The following TXNL1 variants were observed in gnomAD, a reference collection of about 807,000 sequenced individuals.
TXNL1 encodes the protein thioredoxin-like protein 1.
Under a neutral mutation model 35.5 loss-of-function variants are expected in TXNL1, and 14 were observed. That is an observed-to-expected ratio of 0.39 (90% CI 0.26 to 0.62). The LOEUF (loss-of-function observed/expected upper bound fraction) is 0.62, where lower values mean the gene tolerates loss of function less well. Among genes scored for constraint, TXNL1 ranks in the 20% least tolerant of loss-of-function variants. TXNL1 has a pLI of 0.47. For missense variants in TXNL1, 263 were observed against 349.7 expected, an observed-to-expected ratio of 0.75 and a Z score of 1.98; for synonymous variants, 110 against 115.5, an observed-to-expected ratio of 0.95 and a Z score of 0.31.
At chr18:56,610,345 T>G (rs1008941344) in intron 7 of TXNL1, 1 of 152,286 alleles carries the variant, frequency 6.6e-6, no homozygotes, top group Non-Finnish European at 1.5e-5. Context: ...GTTCCAGTAA[T>G]GTACAGAAGG....
chr18:56,624,390 A>T lies in TXNL1; in HGVS notation c.267T>A (p.Asp89Glu). ...FLFFRNKVRI[D>E]QYQGADAVGL... ...CCACAGCATCTGCTCCTTGATATTG[A>T]TCAATTCTCACTTTGTTTCGAAAAA... Residue 89 changes from aspartate (D) to glutamate (E), a missense_variant, in exon 3 of 8, where the codon GAT becomes GAA. Physicochemically the swap from Asp to Glu is conservative, Grantham distance 45 (BLOSUM62 2). Coordinates refer to ENST00000217515, the MANE Select transcript of TXNL1 (RefSeq NM_004786.3). The T allele has an allele frequency of 1.2e-6, 2 of 1,613,794 alleles. No homozygotes were observed. Among genetic ancestry groups the T allele is most frequent in the Non-Finnish European group, 1.7e-6 (2 of 1,179,828 alleles).
chr18:56,635,319 CT>C (rs1201202243), intron 1 of TXNL1, among the ~76,000 whole-genome samples: 2 of 152,052 alleles, frequency 1.3e-5, no homozygotes, highest in African/African-American at 4.8e-5. Context: ...GCAATGTCCC[CT>C]AGCAGCATTA....
In TXNL1 at chr18:56,598,223, A is replaced by G. The variant is rs1177140566; in HGVS notation, c.*4804T>C. On this transcript the variant is annotated 3_prime_UTR_variant, in exon 8 of 8. Transcript: ENST00000217515. ...AATTTTTTCAACATTGTATTTAATG[A>G]TAGAAACCAAATAAACTGGCTTAAT... 6.6e-6 allele frequency: 1 copy of G among 152,176 alleles called. No homozygotes were observed. Among genetic ancestry groups the G allele is most frequent in the Non-Finnish European group, 1.5e-5 (1 of 68,042 alleles). The allele number at this position is 152,176 out of a possible 1,614,324, so 9.4% of individuals were successfully genotyped here.
At chr18:56,628,426 CAATTA>C (rs983520761) in intron 1 of TXNL1, among the ~76,000 whole-genome samples, 23 of 152,036 alleles carry the variant, frequency 1.5e-4, no homozygotes, top group African/African-American at 5.6e-4. Context: ...AAATCAGAAA[CAATTA>C]AATTCTTATC....
intron 3 of TXNL1, among the ~76,000 whole-genome samples, chr18:56,623,264 C>A (rs914597040): frequency 3.3e-5 from 5 of 151,978 alleles, no homozygotes; most frequent in Admixed American, 2.0e-4. Flanking sequence ...CTCGTCTCTA[C>A]GAAAAATACA....
At chr18:56,625,830 C>G (rs1199818131) in intron 2 of TXNL1, among the ~76,000 whole-genome samples, 1 of 152,022 alleles carries the variant, frequency 6.6e-6, no homozygotes, top group Non-Finnish European at 1.5e-5. Flanking sequence ...CTTAACAATT[C>G]CCCACATTTC....
intron 1 of TXNL1, among the ~76,000 whole-genome samples, chr18:56,633,237 G>C (rs1013128978): frequency 7.2e-5 from 11 of 151,992 alleles, no homozygotes; most frequent in Non-Finnish European, 1.5e-4. Flanking sequence ...CACGAGGTCA[G>C]GAGATTGAGA....
At chr18:56,632,846 T>C (rs945834202) in intron 1 of TXNL1, among the ~76,000 whole-genome samples, 9 of 152,216 alleles carry the variant, frequency 5.9e-5, no homozygotes, top group Non-Finnish European at 1.0e-4. Flanking sequence ...GGCTTCAATA[T>C]GCCCTAGTCT....
intron 1 of TXNL1, among the ~76,000 whole-genome samples, chr18:56,629,200 CT>C (rs2024332301): frequency 2.0e-5 from 3 of 152,154 alleles, no homozygotes; most frequent in African/African-American, 7.2e-5. Flanking sequence ...TAGAAAACAA[CT>C]TAAATGGCAA....
intron 1 of TXNL1, among the ~76,000 whole-genome samples, chr18:56,632,281 A>C (rs2024384802): frequency 6.6e-6 from 1 of 151,504 alleles, no homozygotes; most frequent in African/African-American, 2.4e-5. Context: ...CTAAAGCCAC[A>C]GTTAAAGAAT....
intron 1 of TXNL1, among the ~76,000 whole-genome samples, chr18:56,631,920 C>CA (rs539527338): frequency 0.058 from 4,100 of 71,176 alleles, 221 homozygotes; most frequent in Admixed American, 0.24. Context: ...AACTCTGTCT[C>CA]AAAAAAAAAA....
intron 7 of TXNL1, 74 bp downstream of exon 7, chr18:56,610,919 C>A: frequency 2.1e-6 from 2 of 951,014 alleles, no homozygotes. Flanking sequence ...GAAAGTGTGA[C>A]AGTTGAGATA....
rs918187219 is a variant in TXNL1, at chr18:56,598,723, T to C, written c.*4304A>G. 4 of 152,152 alleles carry C rather than the reference T, an allele frequency of 2.6e-5. No homozygotes were observed. The highest frequency in any genetic ancestry group is 2.0e-4 in the Admixed American group (3 of 15,262). The allele number at this position is 152,152 out of a possible 1,614,324, so 9.4% of individuals were successfully genotyped here. A position where few individuals can be genotyped will look rare whatever the true frequency, so the allele number is the denominator to read the frequency against. ...AAAGCAGTGACAGCTGAGAGCAGGA[T>C]ACAGAAGATACTTATCCTTGTTCCA... On this transcript the variant is annotated 3_prime_UTR_variant, in exon 8 of 8. Coordinates refer to ENST00000217515, the MANE Select transcript of TXNL1 (RefSeq NM_004786.3).
chr18:56,638,226 G>T, intron 1 of TXNL1, 117 bp downstream of exon 1: 1 of 1,061,700 alleles, frequency 9.4e-7, no homozygotes, highest in Non-Finnish European at 1.3e-6. Flanking sequence ...TCCTGGGGCT[G>T]CGGCGACTGC....
At chr18:56,622,441 T>TA (rs1180402304) in intron 3 of TXNL1, among the ~76,000 whole-genome samples, 1 of 152,186 alleles carries the variant, frequency 6.6e-6, no homozygotes, top group African/African-American at 2.4e-5. Flanking sequence ...TCTTGGGAGT[T>TA]ATAATGGTAT....
intron 1 of TXNL1, 38 bp from the exon 2 acceptor site, chr18:56,626,495 G>T: frequency 6.5e-7 from 1 of 1,529,034 alleles, no homozygotes; most frequent in Non-Finnish European, 9.0e-7. Flanking sequence ...TAACACTAAA[G>T]ATTGTAATTC....
chr18:56,630,444 T>C lies in TXNL1; in HGVS notation c.99-3987A>G, dbSNP rs376709709. 3.9e-5 allele frequency among the ~76,000 whole-genome samples: 6 copies of C among 152,272 alleles called. No individual in the cohort carries two copies. In the East Asian group the frequency reaches 9.6e-4, roughly 24 times the overall value. ...ATAAACCCTTCTGGGGAACAAACGC[T>C]AGGTGTAGGCACTCTTATTTAACTT... is the stretch of plus-strand genomic sequence containing the variant. On this transcript the variant is annotated intron_variant, in intron 1 of 7. Coordinates refer to ENST00000217515, the MANE Select transcript of TXNL1 (RefSeq NM_004786.3).
chr18:56,603,040 CCTT>C lies in TXNL1; in HGVS notation c.854_856del (p.Lys285_Gly286delinsArg). ...GTCTTTTGTACCTTAGTGGCTTTCT[CCTT>C]TTTTGCCAACTACCTAGAAAAACAA... On this transcript the variant is annotated inframe_deletion, in exon 8 of 8. Coordinates refer to ENST00000217515, the MANE Select transcript of TXNL1 (RefSeq NM_004786.3). 1 of 1,613,692 alleles carries C rather than the reference CCTT, an allele frequency of 6.2e-7. No homozygotes were observed. Among genetic ancestry groups the C allele is most frequent in the Non-Finnish European group, 8.5e-7 (1 of 1,179,816 alleles).
At chr18:56,623,518 A>G (rs2024225682) in intron 3 of TXNL1, among the ~76,000 whole-genome samples, 1 of 152,144 alleles carries the variant, frequency 6.6e-6, no homozygotes, top group African/African-American at 2.4e-5. Context: ...CTTTGTAACC[A>G]GAGAAATTAA....
Sources: gnomAD v4.1 joint callset for allele counts (sites outside exome capture counted in the v4.1 genomes callset) on GRCh38, gnomAD v4.1.1 for gene constraint, MANE v1.5 for transcripts, NCBI Gene and HGNC (gene_info 2026-07-23, HGNC 2026-07-21) for gene names.